The following KANK1 variants were observed in gnomAD, a reference collection of about 807,000 sequenced individuals.
KANK1 encodes KN motif and ankyrin repeat domains 1, also known as KN motif and ankyrin repeat domain-containing protein 1.
A neutral mutation model predicts 106.2 loss-of-function variants in KANK1; 109 were observed. The observed-to-expected ratio is 1.03, with a 90% CI of 0.88 to 1.20. KANK1 has a LOEUF of 1.20. KANK1 is among the 50% of genes most tolerant of loss of function. The pLI, the probability that KANK1 is intolerant of heterozygous loss-of-function variation, is 0.00. For missense variants in KANK1, 2,399 were observed against 1,710.7 expected, an observed-to-expected ratio of 1.40 and a Z score of -7.10; for synonymous variants, 873 against 652.2, an observed-to-expected ratio of 1.34 and a Z score of -5.16.
At chr9:504,960 T>G (rs572643786) in intron 1 of KANK1, among the ~76,000 whole-genome samples, 1 of 147,306 alleles carries the variant, frequency 6.8e-6, no homozygotes, top group East Asian at 2.0e-4. Context: ...GGGGCGGTCC[T>G]GGGGGGGGGT....
intron 1 of KANK1, among the ~76,000 whole-genome samples, chr9:535,321 C>T (rs1376495357): frequency 1.3e-5 from 2 of 152,144 alleles, no homozygotes; most frequent in East Asian, 3.9e-4. Flanking sequence ...TTCCCTTATG[C>T]AAAGGCCCTA....
At chr9:677,603 A>G (rs1816661574) in intron 2 of KANK1, 1 of 152,260 alleles carries the variant, frequency 6.6e-6, no homozygotes, top group African/African-American at 2.4e-5. Flanking sequence ...TGTACACGAA[A>G]TGCAGAGAAG....
intron 2 of KANK1, among the ~76,000 whole-genome samples, chr9:683,908 A>T (rs1251387482): frequency 6.6e-6 from 1 of 152,168 alleles, no homozygotes; most frequent in Non-Finnish European, 1.5e-5. Context: ...TTATAGATGA[A>T]ATAATTTTCT....
At chr9:734,539 A>G in intron 6 of KANK1, 2 of 432,000 alleles carry the variant, frequency 4.6e-6, no homozygotes, top group Non-Finnish European at 8.6e-6. Flanking sequence ...GGTGGTGCAC[A>G]CCTGTAGTCC....
intron 1 of KANK1, among the ~76,000 whole-genome samples, chr9:605,498 A>G (rs1006609635): frequency 1.3e-5 from 2 of 151,426 alleles, no homozygotes; most frequent in Non-Finnish European, 2.9e-5. Context: ...GGGAGGAAAA[A>G]CCAGTGAAGT....
chr9:523,806 G>A (rs1449545523), intron 1 of KANK1, among the ~76,000 whole-genome samples: 5 of 134,098 alleles, frequency 3.7e-5, no homozygotes, highest in South Asian at 2.3e-4. Flanking sequence ...CTCTTAATCC[G>A]CTTGGCCTCT....
chr9:628,508 A>G, intron 1 of KANK1, among the ~76,000 whole-genome samples: 1 of 152,202 alleles, frequency 6.6e-6, no homozygotes, highest in Non-Finnish European at 1.5e-5. Flanking sequence ...TCATTTCTTC[A>G]GTGTCTGCCT....
At chr9:628,484 G>A (rs1588389288) in intron 1 of KANK1, among the ~76,000 whole-genome samples, 1 of 152,266 alleles carries the variant, frequency 6.6e-6, no homozygotes, top group East Asian at 1.9e-4. Flanking sequence ...ACATCTTAAA[G>A]TTGCCATGGA....
intron 1 of KANK1, among the ~76,000 whole-genome samples, chr9:559,542 C>G (rs537556167): frequency 7.2e-5 from 11 of 152,288 alleles, no homozygotes; most frequent in African/African-American, 2.2e-4. Flanking sequence ...CAGAGGCAAT[C>G]TGCTTGAAAA....
At position 640,127 on chromosome 9, in the gene KANK1, A is replaced by T. The variant is rs1335175473; in HGVS notation, c.-83-36763A>T. ...TTGAGTTAAGAAACCAAGAGTTTGTATTCCCAACTCTATGCTTCATGAGGT... is the reference window on the plus strand; with the variant it reads ...TTGAGTTAAGAAACCAAGAGTTTGTTTTCCCAACTCTATGCTTCATGAGGT... On this transcript the variant is annotated intron_variant, in intron 1 of 11. Coordinates refer to ENST00000382297, the MANE Select transcript of KANK1 (RefSeq NM_015158.5). 6.6e-5 allele frequency among the ~76,000 whole-genome samples: 10 copies of T among 152,202 alleles called. No individual in the cohort carries two copies. The East Asian group carries it at 1.9e-3, about 29-fold the overall frequency.
intron 2 of KANK1, among the ~76,000 whole-genome samples, 188 bp from the exon 3 acceptor site, chr9:710,615 CA>C (rs1222306010): frequency 3.3e-3 from 120 of 36,030 alleles, no homozygotes; most frequent in Non-Finnish European, 4.7e-3. Context: ...TGACCTGTCT[CA>C]AAAAAAAAAA....
intron 3 of KANK1, among the ~76,000 whole-genome samples, chr9:476,298 A>C (rs1259854544): frequency 6.6e-6 from 1 of 152,158 alleles, no homozygotes; most frequent in Admixed American, 6.5e-5. Flanking sequence ...AGGCGGGTGG[A>C]TCACCTGAGG....
chr9:574,984 A>T (rs1820171430), intron 1 of KANK1, among the ~76,000 whole-genome samples: 1 of 152,124 alleles, frequency 6.6e-6, no homozygotes, highest in South Asian at 2.1e-4. Flanking sequence ...TATCAAAAGC[A>T]TCTTCTCAGG....
chr9:699,004 G>A (rs1821992771), intron 2 of KANK1, among the ~76,000 whole-genome samples: 1 of 152,138 alleles, frequency 6.6e-6, no homozygotes, highest in South Asian at 2.1e-4. Flanking sequence ...CCTCACTGCA[G>A]TCTTTGCAAA....
At chr9:547,077 G>T (rs185190781) in intron 1 of KANK1, among the ~76,000 whole-genome samples, 1 of 152,308 alleles carries the variant, frequency 6.6e-6, no homozygotes, top group East Asian at 1.9e-4. Context: ...GGGCTGATGC[G>T]GAGGAGGAGA....
intron 1 of KANK1, among the ~76,000 whole-genome samples, chr9:641,612 A>C (rs1838448341): frequency 6.6e-6 from 1 of 152,196 alleles, no homozygotes; most frequent in South Asian, 2.1e-4. Context: ...TCCTAACTGC[A>C]AGGAAGCGTA....
chr9:580,997 C>T lies in KANK1; in HGVS notation c.-84+76243C>T, dbSNP rs188199434. On this transcript the variant is annotated intron_variant, in intron 1 of 11. Transcript: ENST00000382297. Reference sequence around the variant, plus strand: ...CTGCTAGGGAACCCAGCGCACCCTCCGCAGCTGCTGGCTGGAGTGCTAAGC... The same window carrying T: ...CTGCTAGGGAACCCAGCGCACCCTCTGCAGCTGCTGGCTGGAGTGCTAAGC... 2.8e-4 allele frequency among the ~76,000 whole-genome samples: 42 copies of T among 152,308 alleles called. 1 individual carries two copies. In the South Asian group the frequency reaches 3.1e-3, roughly 11 times the overall value.
chr9:528,875 C>A, intron 1 of KANK1, among the ~76,000 whole-genome samples: 1 of 152,158 alleles, frequency 6.6e-6, no homozygotes, highest in Non-Finnish European at 1.5e-5. Context: ...TCACTGCTCA[C>A]TGCAGCCTTG....
chr9:606,783 T>A lies in KANK1; in HGVS notation c.-83-70107T>A, dbSNP rs149774932. Among the ~76,000 whole-genome samples, 406 of 151,702 alleles carry A rather than the reference T, an allele frequency of 2.7e-3. 9 individuals are homozygous for A. The highest frequency in any genetic ancestry group is 9.4e-3 in the African/African-American group (385 of 41,046). On this transcript the variant is annotated intron_variant, in intron 1 of 11. Coordinates refer to ENST00000382297, the MANE Select transcript of KANK1 (RefSeq NM_015158.5). ...GGAGAGGACTGAAACCAGTAAGCTCTTGAAATGTTTTCATCCTCTCATCAA... is the reference window on the plus strand; with the variant it reads ...GGAGAGGACTGAAACCAGTAAGCTCATGAAATGTTTTCATCCTCTCATCAA...
Sources: gnomAD v4.1 joint callset for allele counts (sites outside exome capture counted in the v4.1 genomes callset) on GRCh38, gnomAD v4.1.1 for gene constraint, MANE v1.5 for transcripts, NCBI Gene and HGNC (gene_info 2026-07-23, HGNC 2026-07-21) for gene names.